CNTN5: variants seen among roughly 807,000 people sequenced by gnomAD.
CNTN5 encodes contactin 5.
Under a neutral mutation model 129.1 loss-of-function variants are expected in CNTN5, and 77 were observed. The ratio of observed to expected loss-of-function variants is 0.60; its 90% confidence interval spans 0.50 to 0.72. The LOEUF (loss-of-function observed/expected upper bound fraction) is 0.72, where lower values mean the gene tolerates loss of function less well. Ranked by LOEUF, CNTN5 falls within the 30% of genes least tolerant of loss-of-function variation. The pLI, the probability that CNTN5 is intolerant of heterozygous loss-of-function variation, is 0.00. For synonymous variants in CNTN5, 509 were observed against 465.6 expected (o/e 1.09, Z -1.20); for missense variants, 1,478 against 1,328.8 (o/e 1.11, Z -1.75).
At chr11:99,084,034 T>C (rs1018139185) in intron 1 of CNTN5, among the ~76,000 whole-genome samples, 1 of 152,230 alleles carries the variant, frequency 6.6e-6, no homozygotes, top group Non-Finnish European at 1.5e-5. Flanking sequence ...AAAATGGAGA[T>C]CTTCAGTTAT....
At chr11:99,342,668 A>G (rs571477838) in intron 2 of CNTN5, among the ~76,000 whole-genome samples, 59 of 148,152 alleles carry the variant, frequency 4.0e-4, no homozygotes, top group Non-Finnish European at 7.4e-4. Flanking sequence ...ATCCCAGGAG[A>G]TGGAGGTTGT....
intron 1 of CNTN5, among the ~76,000 whole-genome samples, chr11:99,140,581 G>A (rs1057098118): frequency 6.6e-6 from 1 of 152,096 alleles, no homozygotes; most frequent in East Asian, 1.9e-4. Context: ...AGTTCTCAAG[G>A]GGAATGCTTC....
chr11:100,079,691 CA>C (rs1451738781), intron 13 of CNTN5, among the ~76,000 whole-genome samples: 1 of 152,034 alleles, frequency 6.6e-6, no homozygotes, highest in East Asian at 1.9e-4. Context: ...TTCCCCCCAT[CA>C]CTTTCACTTT....
intron 13 of CNTN5, among the ~76,000 whole-genome samples, chr11:100,157,857 GC>G (rs1947310969): frequency 1.1e-5 from 1 of 95,160 alleles, no homozygotes; most frequent in Non-Finnish European, 2.5e-5. Flanking sequence ...AATAAAAAAA[GC>G]ATGTGAAAAA....
rs954710445 is a variant in CNTN5, at chr11:99,459,269, A to T, written c.-70-96876A>T. Among the ~76,000 whole-genome samples, 7 of 151,970 alleles carry T rather than the reference A, an allele frequency of 4.6e-5. No homozygotes were observed. The East Asian group carries it at 1.2e-3, about 25-fold the overall frequency. On this transcript the variant is annotated intron_variant, in intron 2 of 24. Transcript: ENST00000524871. Reference sequence around the variant, plus strand: ...TATGAAGGACATAAAATTGCCCAACATGAAAATTAATAGTGGGGAGTGAGG... The same window carrying T: ...TATGAAGGACATAAAATTGCCCAACTTGAAAATTAATAGTGGGGAGTGAGG...
intron 4 of CNTN5, among the ~76,000 whole-genome samples, chr11:99,840,294 G>A (rs764268999): frequency 7.2e-5 from 11 of 152,172 alleles, no homozygotes; most frequent in East Asian, 1.9e-4. Flanking sequence ...AAGGAATACA[G>A]CATACAAGAG....
intron 2 of CNTN5, among the ~76,000 whole-genome samples, chr11:99,522,633 T>G (rs1264504663): frequency 6.6e-6 from 1 of 152,170 alleles, no homozygotes; most frequent in Non-Finnish European, 1.5e-5. Context: ...AACCAATGAC[T>G]CATCTTTTAA....
intron 1 of CNTN5, among the ~76,000 whole-genome samples, chr11:99,050,490 A>T (rs1228974107): frequency 3.3e-5 from 5 of 151,912 alleles, no homozygotes; most frequent in Admixed American, 3.3e-4. Context: ...AAATATTTCA[A>T]ATAGAAAAAA....
At chr11:99,582,149 T>G (rs923021888) in intron 3 of CNTN5, among the ~76,000 whole-genome samples, 9 of 152,322 alleles carry the variant, frequency 5.9e-5, no homozygotes, top group African/African-American at 2.2e-4. Context: ...TGTTGAATAT[T>G]GGCCCCCACT....
At chr11:99,998,974 T>A (rs1217361408) in intron 8 of CNTN5, among the ~76,000 whole-genome samples, 2 of 150,200 alleles carry the variant, frequency 1.3e-5, no homozygotes, top group East Asian at 1.9e-4. Context: ...TGAAACTGGA[T>A]CCCTTCCTTA....
In CNTN5 at chr11:100,308,440, A is replaced by C; in HGVS notation, c.2702A>C (p.Glu901Ala). 3.1e-6 allele frequency: 5 copies of C among 1,610,796 alleles called. No individual in the cohort carries two copies. The highest frequency in any genetic ancestry group is 4.2e-6 in the Non-Finnish European group (5 of 1,177,792). Residue 901 changes from glutamate to alanine, a missense_variant, in exon 21 of 25, where the codon GAG (glutamate) becomes GCG (alanine). Physicochemically the swap from Glu to Ala is moderately radical, Grantham distance 107 (BLOSUM62 -1). Coordinates refer to ENST00000524871, the MANE Select transcript of CNTN5 (RefSeq NM_014361.4). Reference sequence around the variant, plus strand: ...CTTGTTGCATGGAAACACATTAAAGAGAGTCTAGGAAGACCACAGGGATTT... The same window carrying C: ...CTTGTTGCATGGAAACACATTAAAGCGAGTCTAGGAAGACCACAGGGATTT... Reference protein sequence around the residue: ...EILVAWKHIKESLGRPQGFEV... With the variant: ...EILVAWKHIKASLGRPQGFEV...
intron 3 of CNTN5, among the ~76,000 whole-genome samples, chr11:99,650,113 T>C (rs1223049361): frequency 1.3e-5 from 2 of 151,930 alleles, no homozygotes; most frequent in East Asian, 1.9e-4. Flanking sequence ...AAATGAAAGC[T>C]ACTTCTGTAA....
intron 3 of CNTN5, among the ~76,000 whole-genome samples, chr11:99,618,060 T>G (rs11220657): frequency 0.4 from 60,287 of 151,818 alleles, 11,950 homozygotes; most frequent in Non-Finnish European, 0.43. Flanking sequence ...TGGGGGTAAA[T>G]ATTTTTAACT....
intron 3 of CNTN5, among the ~76,000 whole-genome samples, chr11:99,567,991 A>G (rs1949062123): frequency 6.6e-6 from 1 of 152,246 alleles, no homozygotes; most frequent in South Asian, 2.1e-4. Flanking sequence ...TCAACTAAAA[A>G]GCCAGGTTCA....
chr11:99,358,271 T>TTTTTTTTTTTTTTTTTTTTTTTTA (rs1565518506), intron 2 of CNTN5, among the ~76,000 whole-genome samples: 1 of 129,440 alleles, frequency 7.7e-6, no homozygotes, highest in Non-Finnish European at 1.7e-5. Flanking sequence ...TTTTTTTTTT[T>TTTTTTTTTTTTTTTTTTTTTTTTA]TTTTAGTAGA....
chr11:99,609,837 T>C lies in CNTN5; in HGVS notation c.55+53568T>C, dbSNP rs1470188477. On this transcript the variant is annotated intron_variant, in intron 3 of 24. Coordinates refer to ENST00000524871, the MANE Select transcript of CNTN5 (RefSeq NM_014361.4). ...TCAACTGTTTACTGGGTGTAGTTCT[T>C]TTTGCAAGGTCCTTAGTTTTACTCA... Among the ~76,000 whole-genome samples, 8 of 152,194 alleles carry C rather than the reference T, an allele frequency of 5.3e-5. No homozygotes were observed. In the East Asian group the frequency reaches 1.5e-3, roughly 29 times the overall value.
chr11:99,653,630 C>T (rs1004702877), intron 3 of CNTN5, among the ~76,000 whole-genome samples: 2 of 152,026 alleles, frequency 1.3e-5, no homozygotes, highest in Non-Finnish European at 2.9e-5. Flanking sequence ...GTAAATTGGT[C>T]TGTCACCAAA....
chr11:100,161,734 G>T (rs1488189534), intron 13 of CNTN5, among the ~76,000 whole-genome samples: 2 of 150,676 alleles, frequency 1.3e-5, no homozygotes, highest in African/African-American at 4.9e-5. Context: ...TATGACAGAA[G>T]GTGGTTATTA....
intron 3 of CNTN5, among the ~76,000 whole-genome samples, chr11:99,682,109 T>C (rs1419720991): frequency 6.6e-6 from 1 of 152,054 alleles, no homozygotes; most frequent in Non-Finnish European, 1.5e-5. Context: ...AAATTGTTTA[T>C]GAATAATCTA....
Sources: gnomAD v4.1 joint callset for allele counts (sites outside exome capture counted in the v4.1 genomes callset) on GRCh38, gnomAD v4.1.1 for gene constraint, MANE v1.5 for transcripts, NCBI Gene and HGNC (gene_info 2026-07-23, HGNC 2026-07-21) for gene names.